The following LRRC3B variants were observed in gnomAD, a reference collection of about 807,000 sequenced individuals.
LRRC3B encodes the protein leucine rich repeat containing 3B, also known as leucine-rich repeat-containing protein 3B.
In LRRC3B, 2 loss-of-function variants were observed where a neutral mutation model predicts 12.8. The observed-to-expected ratio is 0.16, with a 90% CI of 0.06 to 0.49. The LOEUF (loss-of-function observed/expected upper bound fraction) is 0.49. Ranked by LOEUF, LRRC3B falls within the 20% of genes least tolerant of loss-of-function variation. LRRC3B has a pLI of 0.96. For synonymous variants in LRRC3B, 132 were observed against 122.0 expected, an observed-to-expected ratio of 1.08 and a Z score of -0.54; for missense variants, 189 against 319.4, an observed-to-expected ratio of 0.59 and a Z score of 3.11.
At chr3:26,703,118 T>A (rs1700498274) in intron 1 of LRRC3B, among the ~76,000 whole-genome samples, 2 of 152,266 alleles carry the variant, frequency 1.3e-5, no homozygotes, top group South Asian at 4.1e-4. Flanking sequence ...TTCACTTGAA[T>A]TAGCCCTGTC....
intron 1 of LRRC3B, among the ~76,000 whole-genome samples, chr3:26,653,440 T>A (rs1484833729): frequency 6.6e-6 from 1 of 152,188 alleles, no homozygotes. Flanking sequence ...GTTCAGATGA[T>A]GTTGCAGAAA....
chr3:26,677,053 T>C (rs1699874727), intron 1 of LRRC3B, among the ~76,000 whole-genome samples: 1 of 152,108 alleles, frequency 6.6e-6, no homozygotes, highest in South Asian at 2.1e-4. Context: ...GAGCACACAT[T>C]CTTATTCTAG....
chr3:26,625,943 A>G (rs1698615360), intron 1 of LRRC3B, among the ~76,000 whole-genome samples: 2 of 152,210 alleles, frequency 1.3e-5, no homozygotes, highest in African/African-American at 4.8e-5. Context: ...CAGCCAGGAA[A>G]TGGTGGGGCT....
intron 1 of LRRC3B, among the ~76,000 whole-genome samples, chr3:26,663,727 G>A (rs1206073207): frequency 6.6e-6 from 1 of 152,084 alleles, no homozygotes; most frequent in Non-Finnish European, 1.5e-5. Flanking sequence ...TAAGTTAATT[G>A]TATCACTCAA....
In LRRC3B at chr3:26,698,168, G is replaced by C. The variant is rs78609946; in HGVS notation, c.-160-11345G>C. Among the ~76,000 whole-genome samples the C allele has an allele frequency of 1.8e-4, 28 of 152,304 alleles. No individual in the cohort carries two copies. In the East Asian group the frequency reaches 4.0e-3, roughly 22 times the overall value. ...AGTAGTACTAGGAGTGGTAGTAGCA[G>C]TAACTCTGACTGAGAGTTTATCTTG... is the stretch of plus-strand genomic sequence containing the variant. On this transcript the variant is annotated intron_variant, in intron 1 of 1. Coordinates refer to ENST00000396641, the Ensembl canonical transcript of LRRC3B.
chr3:26,640,290 A>G (rs1270147764), intron 1 of LRRC3B, among the ~76,000 whole-genome samples: 1 of 152,158 alleles, frequency 6.6e-6, no homozygotes, highest in East Asian at 1.9e-4. Context: ...GTCTTGTTCA[A>G]TTGAAGAATT....
In LRRC3B at chr3:26,632,561, C is replaced by A. The variant is rs139157411; in HGVS notation, c.-161+9324C>A. On this transcript the variant is annotated intron_variant, in intron 1 of 1. Coordinates refer to ENST00000396641, the Ensembl canonical transcript of LRRC3B. ...GATCCCCGAGCCGTTACCCCCTAGA[C>A]CCAGGGTTTATATATGGTAGGAAAG... is the stretch of plus-strand genomic sequence containing the variant. Among the ~76,000 whole-genome samples the A allele has an allele frequency of 4.7e-3, 712 of 151,922 alleles. 3 individuals carry two copies. Among genetic ancestry groups the A allele is most frequent in the African/African-American group, 0.016 (670 of 41,418 alleles).
At chr3:26,623,816 TG>T (rs1418188144) in intron 1 of LRRC3B, 1 of 152,182 alleles carries the variant, frequency 6.6e-6, no homozygotes, top group Non-Finnish European at 1.5e-5. Context: ...ATGAAACCTT[TG>T]GAGTGGCTTG....
chr3:26,663,336 C>T (rs1699534447), intron 1 of LRRC3B, among the ~76,000 whole-genome samples: 1 of 152,064 alleles, frequency 6.6e-6, no homozygotes, highest in South Asian at 2.1e-4. Flanking sequence ...CCCCAATACA[C>T]ACATGCATCT....
intron 1 of LRRC3B, among the ~76,000 whole-genome samples, chr3:26,627,857 C>T (rs1463976061): frequency 1.3e-5 from 2 of 152,098 alleles, no homozygotes; most frequent in African/African-American, 4.8e-5. Context: ...GGTGGGGATA[C>T]CGGCTTAGTT....
intron 1 of LRRC3B, among the ~76,000 whole-genome samples, chr3:26,640,843 T>C (rs1472931895): frequency 6.6e-6 from 1 of 152,144 alleles, no homozygotes; most frequent in Non-Finnish European, 1.5e-5. Context: ...TTGGGAATCC[T>C]GAGTTGATCC....
At chr3:26,674,688 A>G (rs917513337) in intron 1 of LRRC3B, among the ~76,000 whole-genome samples, 10 of 152,202 alleles carry the variant, frequency 6.6e-5, no homozygotes, top group African/African-American at 2.4e-4. Flanking sequence ...AAATCAACTT[A>G]TAAGTACCCA....
In LRRC3B at chr3:26,625,966, G is replaced by C. The variant is rs1210252809; in HGVS notation, c.-161+2729G>C. Among the ~76,000 whole-genome samples the C allele has an allele frequency of 3.3e-5, 5 of 152,232 alleles. No homozygotes were observed. In the East Asian group the frequency reaches 7.7e-4, roughly 23 times the overall value. On this transcript the variant is annotated intron_variant, in intron 1 of 1. Transcript: ENST00000396641. ...AAATGGTGGGGCTGAGTGGTCTGGT[G>C]ATCAGAGAACACTGAGTGTGTCCCA...
intron 1 of LRRC3B, among the ~76,000 whole-genome samples, chr3:26,654,919 C>T (rs1008166698): frequency 1.7e-4 from 26 of 152,186 alleles, no homozygotes; most frequent in Non-Finnish European, 3.1e-4. Flanking sequence ...CATTTCCTAA[C>T]TTGAGTCATT....
chr3:26,704,736 G>T (rs1700543440), intron 1 of LRRC3B, among the ~76,000 whole-genome samples: 1 of 151,954 alleles, frequency 6.6e-6, no homozygotes, highest in Admixed American at 6.6e-5. Flanking sequence ...TCATTCTTTT[G>T]TAAGGATTTT....
intron 1 of LRRC3B, among the ~76,000 whole-genome samples, chr3:26,648,875 A>G (rs1318026440): frequency 1.3e-5 from 2 of 152,246 alleles, no homozygotes; most frequent in Admixed American, 6.5e-5. Flanking sequence ...GACAATGAGT[A>G]TACTGGCTGT....
At chr3:26,627,181 C>T (rs1011631585) in intron 1 of LRRC3B, among the ~76,000 whole-genome samples, 5 of 152,158 alleles carry the variant, frequency 3.3e-5, no homozygotes, top group Admixed American at 1.3e-4. Flanking sequence ...TACCTTTAAG[C>T]GTTTTTGTGG....
At chr3:26,653,934 C>A (rs1434123153) in intron 1 of LRRC3B, among the ~76,000 whole-genome samples, 2 of 151,794 alleles carry the variant, frequency 1.3e-5, no homozygotes, top group Admixed American at 6.6e-5. Flanking sequence ...GTTTATAATG[C>A]CCATACCTGG....
chr3:26,631,261 C>T (rs374097695), intron 1 of LRRC3B, among the ~76,000 whole-genome samples: 21 of 152,310 alleles, frequency 1.4e-4, no homozygotes, highest in African/African-American at 4.1e-4. Context: ...TTCACTGTAG[C>T]CTTGGCCAAT....
Sources: allele counts gnomAD v4.1 joint callset (sites outside exome capture counted in the v4.1 genomes callset), GRCh38; gene constraint gnomAD v4.1.1; transcripts MANE v1.5; gene names NCBI Gene and HGNC (gene_info 2026-07-23, HGNC 2026-07-21).